Variants in RFT1 observed in about 807,000 individuals in gnomAD.
RFT1 encodes the protein man(5)GlcNAc(2)-PP-dolichol translocation protein RFT1.
RFT1 carries 43 observed loss-of-function variants against 62.2 expected under a neutral mutation model. The observed-to-expected ratio is 0.69, with a 90% CI of 0.54 to 0.89. The LOEUF (loss-of-function observed/expected upper bound fraction) is 0.89, where lower values mean the gene tolerates loss of function less well. RFT1 is among the 40% of genes least tolerant of loss of function. RFT1 has a pLI of 0.00. For missense variants in RFT1, 605 were observed against 649.9 expected (o/e 0.93, Z 0.75); for synonymous variants, 262 against 264.6 (o/e 0.99, Z 0.10).
chr3:53,128,367 T>G (rs1559601205), intron 1 of RFT1, among the ~76,000 whole-genome samples: 1 of 152,182 alleles, frequency 6.6e-6, no homozygotes, highest in East Asian at 1.9e-4. Flanking sequence ...TCTAAGAAAC[T>G]TAATGTTCCA....
chr3:53,113,368 C>T (rs555862936), intron 6 of RFT1, among the ~76,000 whole-genome samples: 2 of 149,878 alleles, frequency 1.3e-5, no homozygotes, highest in Non-Finnish European at 3.0e-5. Flanking sequence ...AGTGATTATC[C>T]AAAGTGATTA....
the RFT1 span, among the ~76,000 whole-genome samples, chr3:53,080,552 G>A: frequency 3.2e-3 from 480 of 152,348 alleles, 1 homozygote; most frequent in African/African-American, 0.011. Context: ...CTGGGGTTAG[G>A]TGGGAGGAGG....
At chr3:53,106,539 A>C (rs1439277255) in intron 8 of RFT1, among the ~76,000 whole-genome samples, 1 of 152,200 alleles carries the variant, frequency 6.6e-6, no homozygotes, top group Non-Finnish European at 1.5e-5. Context: ...TGTGGCTGTG[A>C]CAGTGAGCTC....
the RFT1 span, among the ~76,000 whole-genome samples, chr3:53,069,593 A>T: frequency 4.6e-5 from 7 of 152,266 alleles, no homozygotes; most frequent in Admixed American, 3.9e-4. Context: ...AAAGATAAGC[A>T]AACTCATAAG....
Position 53,106,588 on chromosome 3 carries a change from G to A in RFT1, c.826+231C>T, listed in dbSNP as rs560303049. Among the ~76,000 whole-genome samples the A allele has an allele frequency of 2.6e-5, 4 of 152,190 alleles. No homozygotes were observed. The East Asian group carries it at 7.7e-4, about 29-fold the overall frequency. On this transcript the variant is annotated intron_variant, in intron 8 of 12. Transcript: ENST00000296292. ...CTTGGCACCTCCCACCTCCCAAAAT[G>A]AACACCAGAGCTCTCAGGAGGCAAA...
the RFT1 span, among the ~76,000 whole-genome samples, chr3:53,069,633 G>A: frequency 1.3e-5 from 2 of 152,230 alleles, no homozygotes; most frequent in East Asian, 3.8e-4. Context: ...TGAAGAGAGA[G>A]GTTTTAGCAA....
chr3:53,096,667 A>G (rs1258192611), intron 11 of RFT1, among the ~76,000 whole-genome samples: 2 of 152,092 alleles, frequency 1.3e-5, no homozygotes, highest in Non-Finnish European at 2.9e-5. Context: ...TGGGCCACAG[A>G]GCGAGACTCT....
At chr3:53,085,335 C>T (rs1700833421), downstream of RFT1, among the ~76,000 whole-genome samples, 1 of 152,254 alleles carries the variant, frequency 6.6e-6, no homozygotes. Context: ...CAGGCACCAC[C>T]TCCCTGCTCC....
chr3:53,097,690 A>C (rs889067841), intron 11 of RFT1, among the ~76,000 whole-genome samples: 3 of 152,206 alleles, frequency 2.0e-5, no homozygotes, highest in Non-Finnish European at 4.4e-5. Flanking sequence ...CCGTAACAAA[A>C]TTCCCTTCAA....
At chr3:53,099,531 G>T in intron 10 of RFT1, 45 bp from the exon 11 acceptor site, 1 of 1,467,102 alleles carries the variant, frequency 6.8e-7, no homozygotes, top group Non-Finnish European at 9.5e-7. Context: ...CAATCAGAAG[G>T]CCCACATGTA....
intron 10 of RFT1, among the ~76,000 whole-genome samples, chr3:53,102,042 A>C (rs1701331525): frequency 6.6e-6 from 1 of 151,486 alleles, no homozygotes; most frequent in Non-Finnish European, 1.5e-5. Context: ...ATCTCACTAA[A>C]AAAAAAAAAA....
At chr3:53,126,882 C>A (rs1259662743) in intron 1 of RFT1, among the ~76,000 whole-genome samples, 7 of 152,188 alleles carry the variant, frequency 4.6e-5, no homozygotes, top group Non-Finnish European at 8.8e-5. Flanking sequence ...GTGTCAAGCA[C>A]CCTCAGAGTT....
chr3:53,101,601 C>T (rs549100959), intron 10 of RFT1, among the ~76,000 whole-genome samples: 1 of 152,122 alleles, frequency 6.6e-6, no homozygotes, highest in African/African-American at 2.4e-5. Context: ...AACTGTCCCC[C>T]CAAAATAGAT....
chr3:53,118,471 G>A (rs1701870644), intron 6 of RFT1, among the ~76,000 whole-genome samples: 1 of 152,150 alleles, frequency 6.6e-6, no homozygotes, highest in Non-Finnish European at 1.5e-5. Context: ...TCACAAATGA[G>A]AACATATCTG....
chr3:53,098,805 A>AAT (rs1158358754), intron 11 of RFT1, among the ~76,000 whole-genome samples: 1 of 149,076 alleles, frequency 6.7e-6, no homozygotes, highest in East Asian at 1.9e-4. Context: ...CCATCTCAAA[A>AAT]AAAAAAAAAA....
the RFT1 span, among the ~76,000 whole-genome samples, chr3:53,070,194 T>C: frequency 6.6e-6 from 1 of 151,974 alleles, no homozygotes; most frequent in Non-Finnish European, 1.5e-5. Context: ...AGCAGGAGGA[T>C]AGCTTGAGCC....
At position 53,097,094 on chromosome 3, in the gene RFT1, T is replaced by A. The variant is rs531398702; in HGVS notation, c.1208+2287A>T. ...AAACACTGGTTAACCTTAAGTTGGTTAAGTAAAATGCCTGCTTTTTTTCTA... is the reference window on the plus strand; with the variant it reads ...AAACACTGGTTAACCTTAAGTTGGTAAAGTAAAATGCCTGCTTTTTTTCTA... On this transcript the variant is annotated intron_variant, in intron 11 of 12. Coordinates refer to ENST00000296292, the MANE Select transcript of RFT1 (RefSeq NM_052859.4). Among the ~76,000 whole-genome samples the A allele has an allele frequency of 2.0e-5, 3 of 152,338 alleles. No homozygotes were observed. In the South Asian group the frequency reaches 6.2e-4, roughly 32 times the overall value.
At chr3:53,098,638 T>TA (rs1367862863) in intron 11 of RFT1, among the ~76,000 whole-genome samples, 3 of 151,560 alleles carry the variant, frequency 2.0e-5, no homozygotes, top group Non-Finnish European at 4.4e-5. Flanking sequence ...CCATCTCTAC[T>TA]AAAAATACAA....
chr3:53,099,920 C>CA (rs1161029612), intron 10 of RFT1, among the ~76,000 whole-genome samples: 14 of 152,068 alleles, frequency 9.2e-5, no homozygotes, highest in Non-Finnish European at 2.1e-4. Context: ...CTGGGGAGGT[C>CA]AGAGCTGCAG....
Sources: gnomAD v4.1 joint callset for allele counts (sites outside exome capture counted in the v4.1 genomes callset) on GRCh38, gnomAD v4.1.1 for gene constraint, MANE v1.5 for transcripts, NCBI Gene and HGNC (gene_info 2026-07-23, HGNC 2026-07-21) for gene names.